Variants in FAM120B observed in about 807,000 individuals in gnomAD.
FAM120B encodes constitutive coactivator of peroxisome proliferator-activated receptor gamma.
FAM120B carries 83 observed loss-of-function variants against 96.3 expected under a neutral mutation model. The ratio of observed to expected loss-of-function variants is 0.86; its 90% CI spans 0.72 to 1.03. FAM120B has a LOEUF of 1.03. Ranked by LOEUF, FAM120B falls within the 50% of genes least tolerant of loss-of-function variation. FAM120B has a pLI of 0.00. For synonymous variants in FAM120B, 407 were observed against 402.7 expected, an observed-to-expected ratio of 1.01 and a Z score of -0.13; for missense variants, 1,027 against 1,121.2, an observed-to-expected ratio of 0.92 and a Z score of 1.20.
chr6:170,366,082 T>C (rs1328712030), intron 6 of FAM120B, among the ~76,000 whole-genome samples: 1 of 152,172 alleles, frequency 6.6e-6, no homozygotes, highest in Non-Finnish European at 1.5e-5. Context: ...AAGCAAAATG[T>C]AGACTCAGTG....
At chr6:170,352,814 T>C (rs1787664477) in intron 5 of FAM120B, among the ~76,000 whole-genome samples, 1 of 152,064 alleles carries the variant, frequency 6.6e-6, no homozygotes. Flanking sequence ...CTGACATCTC[T>C]ACTAAAAGAA....
chr6:170,350,780 T>C (rs944757414), intron 5 of FAM120B, among the ~76,000 whole-genome samples: 2 of 152,218 alleles, frequency 1.3e-5, no homozygotes, highest in Non-Finnish European at 2.9e-5. Flanking sequence ...TCAAAGGTTA[T>C]GGATAGGGTT....
chr6:170,352,780 C>T lies in FAM120B; in HGVS notation c.2190+4457C>T, dbSNP rs924418145. 2.0e-5 allele frequency among the ~76,000 whole-genome samples: 3 copies of T among 152,126 alleles called. No homozygotes were observed. In the East Asian group the frequency reaches 5.8e-4, roughly 29 times the overall value. On this transcript the variant is annotated intron_variant, in intron 5 of 10. Transcript: ENST00000476287. ...AGAGGGAAATTTATAGCACTAAATG[C>T]TGGAAAGATCTCAAGTTAACAACCT...
rs1785003302 is a variant in FAM120B at position 170,317,898 on chromosome 6, C to T, written c.508C>T (p.His170Tyr). 6.2e-7 allele frequency: 1 copy of T among 1,614,212 alleles called. No homozygotes were observed. The highest frequency in any genetic ancestry group is 8.5e-7 in the Non-Finnish European group (1 of 1,180,018). The change falls in exon 2 of 11, where the codon CAT becomes TAT. Residue 170 changes from histidine (H) to tyrosine (Y), a missense_variant. This residue lies in a region of FAM120B where 880 missense variants were observed against 980.9 expected (regional missense o/e 0.90). Transcript: ENST00000476287. The stretch of plus-strand genomic sequence containing the variant: ...TGAGGTAGCTTCCTATGGCCTCCAG[C>T]ATAACTGTCTTGGGATTCTGGGGGA... ...DYEVASYGLQ[H>Y]NCLGILGEDT...
chr6:170,370,727 T>C lies in FAM120B; in HGVS notation c.2283+12409T>C, dbSNP rs1252535544. On this transcript the variant is annotated intron_variant, in intron 6 of 10. Transcript: ENST00000476287. The surrounding 1 kb of genome is among the most constrained non-coding windows in gnomAD (Gnocchi z 4.3). ...TTATAAAGATTCGCCTTCTAACACC[T>C]TTAAGGACTTGTTTTCCTTAACATT... Among the ~76,000 whole-genome samples the C allele has an allele frequency of 6.6e-6, 1 of 152,220 alleles. No homozygotes were observed. The highest frequency in any genetic ancestry group is 1.5e-5 in the Non-Finnish European group (1 of 68,032).
chr6:170,379,698 T>A (rs1789792035), intron 6 of FAM120B, among the ~76,000 whole-genome samples: 1 of 152,240 alleles, frequency 6.6e-6, no homozygotes, highest in African/African-American at 2.4e-5. Flanking sequence ...ATAATTAATT[T>A]CTTTATAAAT....
At chr6:170,341,097 G>A (rs531954264) in intron 4 of FAM120B, among the ~76,000 whole-genome samples, 3 of 152,248 alleles carry the variant, frequency 2.0e-5, no homozygotes, top group Admixed American at 2.0e-4. Context: ...CACTGAAGCT[G>A]CACCCACAGC....
intron 5 of FAM120B, among the ~76,000 whole-genome samples, chr6:170,357,011 G>A (rs140053781): frequency 4.0e-4 from 61 of 152,284 alleles, no homozygotes; most frequent in South Asian, 8.3e-4. Flanking sequence ...AGCAAATGCC[G>A]CCATCCTCCA....
intron 1 of FAM120B, among the ~76,000 whole-genome samples, chr6:170,315,089 C>T (rs1165353934): frequency 1.3e-5 from 2 of 152,184 alleles, no homozygotes; most frequent in Non-Finnish European, 2.9e-5. Context: ...AAATGCTGTT[C>T]CTTGTTTTTT....
At chr6:170,294,526 C>T (rs1227072042), upstream of FAM120B, among the ~76,000 whole-genome samples, 1 of 152,200 alleles carries the variant, frequency 6.6e-6, no homozygotes, top group Non-Finnish European at 1.5e-5. The surrounding 1 kb of genome is among the most constrained non-coding windows in gnomAD (Gnocchi z 7.9). Context: ...CACTGAGTAT[C>T]TCCCCACCAT....
At chr6:170,354,201 G>A (rs1252603597) in intron 5 of FAM120B, among the ~76,000 whole-genome samples, 1 of 152,150 alleles carries the variant, frequency 6.6e-6, no homozygotes, top group Admixed American at 6.5e-5. Flanking sequence ...ATGGTGCTGG[G>A]ATAACTGGCT....
upstream of FAM120B, among the ~76,000 whole-genome samples, chr6:170,305,687 T>C (rs1366376169): frequency 7.9e-6 from 1 of 126,792 alleles, no homozygotes; most frequent in Non-Finnish European, 1.7e-5. Context: ...TGTCAATAAC[T>C]TACTTTTCAG....
rs1256792917 is a variant in FAM120B, at chr6:170,370,504, C to G, written c.2283+12186C>G. ...CCAGGAGCTGCTGTCCAGTCGTGCT[C>G]TGGAAGATCTGAGTTCTTTGAAGTT... is the stretch of plus-strand genomic sequence containing the variant. On this transcript the variant is annotated intron_variant, in intron 6 of 10. Transcript: ENST00000476287. The surrounding 1 kb of genome is among the most constrained non-coding windows in gnomAD (Gnocchi z 4.3). Among the ~76,000 whole-genome samples, 1 of 152,160 alleles carries G rather than the reference C, an allele frequency of 6.6e-6. No homozygotes were observed. The highest frequency in any genetic ancestry group is 2.1e-4 in the South Asian group (1 of 4,830).
intron 8 of FAM120B, among the ~76,000 whole-genome samples, chr6:170,394,207 A>T (rs1433724069): frequency 6.6e-6 from 1 of 152,180 alleles, no homozygotes; most frequent in Non-Finnish European, 1.5e-5. Context: ...CTGGGGTAAA[A>T]CACCACAATG....
At chr6:170,361,210 A>ACGTGTG (rs1300589956) in intron 6 of FAM120B, among the ~76,000 whole-genome samples, 3 of 96,566 alleles carry the variant, frequency 3.1e-5, no homozygotes, top group Non-Finnish European at 6.1e-5. Flanking sequence ...ATATATATAT[A>ACGTGTG]TATATATATA....
At chr6:170,354,029 A>C (rs1787741020) in intron 5 of FAM120B, among the ~76,000 whole-genome samples, 1 of 152,258 alleles carries the variant, frequency 6.6e-6, no homozygotes, top group African/African-American at 2.4e-5. Flanking sequence ...CTATTCTACA[A>C]GGCTACCATA....
At chr6:170,357,724 C>T (rs1788045289) in intron 5 of FAM120B, among the ~76,000 whole-genome samples, 1 of 152,206 alleles carries the variant, frequency 6.6e-6, no homozygotes, top group Non-Finnish European at 1.5e-5. Flanking sequence ...TTGGTTGGCA[C>T]CTCATGATTA....
At chr6:170,365,009 T>G (rs1351433017) in intron 6 of FAM120B, among the ~76,000 whole-genome samples, 1 of 152,148 alleles carries the variant, frequency 6.6e-6, no homozygotes, top group African/African-American at 2.4e-5. Context: ...GCTCTGGAGT[T>G]TACAACATCA....
intron 6 of FAM120B, among the ~76,000 whole-genome samples, chr6:170,376,893 G>A (rs948036222): frequency 6.6e-6 from 1 of 152,222 alleles, no homozygotes; most frequent in Non-Finnish European, 1.5e-5. Flanking sequence ...AGAGCAAGCG[G>A]GGAATGCCAC....
Sources: gnomAD v4.1 joint callset for allele counts (sites outside exome capture counted in the v4.1 genomes callset) on GRCh38, gnomAD v4.1.1 for gene constraint, gnomAD v4.1.1 regional missense constraint, Gnocchi (gnomAD v3.1) non-coding constraint, MANE v1.5 for transcripts, NCBI Gene and HGNC (gene_info 2026-07-23, HGNC 2026-07-21) for gene names.